The following LRP6 variants were observed in gnomAD, a reference collection of about 807,000 sequenced individuals.
LRP6 encodes the protein LDL receptor related protein 6.
In LRP6, 43 loss-of-function variants were observed where a neutral mutation model predicts 184.1. That is an observed-to-expected ratio of 0.23 (90% CI 0.18 to 0.30). The LOEUF (loss-of-function observed/expected upper bound fraction) is 0.30, where lower values mean the gene tolerates loss of function less well. LRP6 is among the 10% of genes least tolerant of loss of function. The pLI, the probability that LRP6 is intolerant of heterozygous loss-of-function variation, is 1.00. For missense variants in LRP6, 1,571 were observed against 2,005.3 expected, an observed-to-expected ratio of 0.78 and a Z score of 4.14; for synonymous variants, 719 against 684.9, an observed-to-expected ratio of 1.05 and a Z score of -0.78.
At chr12:12,209,892 T>C (rs375023967) in intron 2 of LRP6, among the ~76,000 whole-genome samples, 22 of 152,168 alleles carry the variant, frequency 1.4e-4, no homozygotes, top group East Asian at 5.8e-4. Context: ...TCTGAGAGTA[T>C]AGAGAAGTGA....
intron 2 of LRP6, among the ~76,000 whole-genome samples, chr12:12,225,296 C>G (rs1197943484): frequency 1.3e-5 from 2 of 152,122 alleles, no homozygotes; most frequent in Non-Finnish European, 2.9e-5. Context: ...ACAACAACAA[C>G]AAAGATCAAC....
chr12:12,189,296 A>G (rs76683670), intron 3 of LRP6, among the ~76,000 whole-genome samples: 8,373 of 152,310 alleles, frequency 0.055, 328 homozygotes, highest in Middle Eastern at 0.18. Context: ...TGAAGATTAA[A>G]TAACATACGC....
At chr12:12,205,802 G>A (rs1421124856) in intron 2 of LRP6, among the ~76,000 whole-genome samples, 1 of 152,158 alleles carries the variant, frequency 6.6e-6, no homozygotes. Context: ...GATTTTTAAA[G>A]AAGAGAAAGC....
At chr12:12,130,744 C>A (rs376924310) in intron 19 of LRP6, 39 bp downstream of exon 19, 75 of 1,294,192 alleles carry the variant, frequency 5.8e-5, no homozygotes, top group Non-Finnish European at 7.0e-5. Flanking sequence ...TGTTTAAATT[C>A]TCTGTTAAGA....
At chr12:12,208,972 T>C (rs1297540566) in intron 2 of LRP6, among the ~76,000 whole-genome samples, 1 of 152,220 alleles carries the variant, frequency 6.6e-6, no homozygotes, top group Non-Finnish European at 1.5e-5. Context: ...CCTCCCATCT[T>C]TTCTCTATTA....
chr12:12,158,840 C>T lies in LRP6; in HGVS notation c.2780G>A (p.Arg927Lys). 2 of 1,614,134 alleles carry T rather than the reference C, an allele frequency of 1.2e-6. No homozygotes were observed. The highest frequency in any genetic ancestry group is 1.7e-6 in the Non-Finnish European group (2 of 1,180,012). Residue 927 changes from arginine (R) to lysine (K), a missense_variant, in exon 12 of 23, where the codon AGG (arginine) becomes AAG (lysine). Coordinates refer to ENST00000261349, the MANE Select transcript of LRP6 (RefSeq NM_002336.3). ...PAHYSLNADN[R>K]TCSAPTTFLL... ...GAAATGCAGCTTACCACTACAAGTC[C>T]TGTTGTCAGCATTAAGAGAGTAGTG... is the stretch of plus-strand genomic sequence containing the variant.
At chr12:12,226,041 C>T (rs1240680905) in intron 2 of LRP6, among the ~76,000 whole-genome samples, 7 of 152,072 alleles carry the variant, frequency 4.6e-5, no homozygotes, top group East Asian at 3.9e-4. Context: ...TCCCTCTCCC[C>T]GTCTACACAG....
At chr12:12,241,227 C>T (rs1865056703) in intron 2 of LRP6, among the ~76,000 whole-genome samples, 1 of 152,148 alleles carries the variant, frequency 6.6e-6, no homozygotes, top group Admixed American at 6.5e-5. Flanking sequence ...GATCCTGGAA[C>T]TCTGAAAAGT....
At chr12:12,180,626 G>C (rs1285273136) in intron 6 of LRP6, among the ~76,000 whole-genome samples, 1 of 151,968 alleles carries the variant, frequency 6.6e-6, no homozygotes, top group East Asian at 1.9e-4. Context: ...GGCTGGCAAA[G>C]TTTTGGAAAT....
intron 2 of LRP6, among the ~76,000 whole-genome samples, chr12:12,220,733 G>T (rs1004942664): frequency 7.9e-5 from 12 of 151,828 alleles, no homozygotes; most frequent in African/African-American, 2.9e-4. Context: ...TGAGTAAATG[G>T]GAGCATAGGA....
chr12:12,173,106 A>C (rs1296889026), intron 7 of LRP6, among the ~76,000 whole-genome samples: 1 of 152,182 alleles, frequency 6.6e-6, no homozygotes, highest in African/African-American at 2.4e-5. Context: ...CTGTGACCAA[A>C]GCTTTCTAAA....
chr12:12,260,682 C>T lies in LRP6; in HGVS notation c.55+5999G>A, dbSNP rs1297030807. Among the ~76,000 whole-genome samples, 3 of 152,132 alleles carry T rather than the reference C, an allele frequency of 2.0e-5. No individual in the cohort carries two copies. The East Asian group carries it at 5.8e-4, about 29-fold the overall frequency. On this transcript the variant is annotated intron_variant, in intron 1 of 22. Transcript: ENST00000261349. ...GTGCGTTCTACTACCCCTTTACAAA[C>T]ATTTCGTCAGTTCTCACAGAAGTCT...
chr12:12,217,672 T>C (rs1864384004), intron 2 of LRP6, among the ~76,000 whole-genome samples: 1 of 152,086 alleles, frequency 6.6e-6, no homozygotes. Context: ...AGTGTGATAC[T>C]AGCATAAGGA....
Position 12,266,851 on chromosome 12 carries a change from C to A in LRP6, c.-116G>T. On this transcript the variant is annotated 5_prime_UTR_variant, in exon 1 of 23. Coordinates refer to ENST00000261349, the MANE Select transcript of LRP6 (RefSeq NM_002336.3). ...CTGCACGCTCATACTTCCCAGCTTC[C>A]CAGCGAGAGAAGAAAGAAAGGGGCA... 1.2e-6 allele frequency: 1 copy of A among 859,756 alleles called. No homozygotes were observed. 53.3% of individuals were successfully genotyped at this position (859,756 alleles called of 1,614,324 possible). A position where few individuals can be genotyped will look rare whatever the true frequency, so the allele number is the denominator to read the frequency against.
In LRP6 at chr12:12,130,177, T is replaced by C. The variant is rs150671728; in HGVS notation, c.4081+606A>G. Among the ~76,000 whole-genome samples, 1,245 of 151,668 alleles carry C rather than the reference T, an allele frequency of 8.2e-3. 22 individuals are homozygous for C. The highest frequency in any genetic ancestry group is 0.028 in the African/African-American group (1,145 of 41,246). ...AAGTTCTGAATTGAATTCAGACCAA[T>C]TGAATTCTTTTCTTTTTTTTTTTTT... On this transcript the variant is annotated intron_variant, in intron 19 of 22. Transcript: ENST00000261349.
At chr12:12,218,608 T>C (rs929237908) in intron 2 of LRP6, among the ~76,000 whole-genome samples, 2 of 151,692 alleles carry the variant, frequency 1.3e-5, no homozygotes, top group Admixed American at 1.3e-4. Context: ...AGTAAGGAAA[T>C]GTAAATCAAA....
chr12:12,232,060 A>G (rs1189042908), intron 2 of LRP6, among the ~76,000 whole-genome samples: 1 of 151,966 alleles, frequency 6.6e-6, no homozygotes, highest in East Asian at 1.9e-4. Flanking sequence ...AGATCTGTGC[A>G]ATTTACTGTA....
intron 2 of LRP6, among the ~76,000 whole-genome samples, chr12:12,237,575 C>G (rs1180928220): frequency 6.6e-6 from 1 of 152,198 alleles, no homozygotes; most frequent in Non-Finnish European, 1.5e-5. Context: ...GCCAAGTGAT[C>G]AACTGTAACA....
intron 5 of LRP6, among the ~76,000 whole-genome samples, chr12:12,182,605 T>A (rs1372492734): frequency 1.3e-5 from 2 of 152,104 alleles, no homozygotes; most frequent in Non-Finnish European, 2.9e-5. Flanking sequence ...CAATTACAAG[T>A]CAAAAAACTG....
Sources: allele counts gnomAD v4.1 joint callset (sites outside exome capture counted in the v4.1 genomes callset), GRCh38; gene constraint gnomAD v4.1.1; transcripts MANE v1.5; gene names NCBI Gene and HGNC (gene_info 2026-07-23, HGNC 2026-07-21).